The following TTC13 variants were observed in gnomAD, a reference collection of about 807,000 sequenced individuals.
TTC13 encodes the protein tetratricopeptide repeat domain 13.
A neutral mutation model predicts 120.0 loss-of-function variants in TTC13; 62 were observed. The observed-to-expected ratio is 0.52, with a 90% CI of 0.42 to 0.64. The LOEUF is 0.64. TTC13 is among the 30% of genes least tolerant of loss of function. The pLI is 0.00. For synonymous variants in TTC13, 384 were observed against 393.5 expected (o/e 0.98, Z 0.28); for missense variants, 824 against 1,050.2 (o/e 0.78, Z 2.98).
At chr1:230,966,184 C>T (rs111533889) in intron 1 of TTC13, among the ~76,000 whole-genome samples, 101 of 152,124 alleles carry the variant, frequency 6.6e-4, no homozygotes, top group African/African-American at 2.3e-3. Context: ...AATAATTGTA[C>T]ATATGGGGTA....
chr1:230,920,440 T>C (rs1672474226), intron 17 of TTC13, 70 bp downstream of exon 17: 10 of 1,111,988 alleles, frequency 9.0e-6, no homozygotes, highest in Non-Finnish European at 1.4e-5. Context: ...TTCTGAGTTC[T>C]TTTTAAAAAA....
chr1:230,962,766 A>G (rs565428147), intron 1 of TTC13, among the ~76,000 whole-genome samples: 14 of 152,352 alleles, frequency 9.2e-5, no homozygotes, highest in Admixed American at 6.5e-4. Flanking sequence ...TAAAAAAATG[A>G]ACTACTGATA....
intron 1 of TTC13, among the ~76,000 whole-genome samples, chr1:230,976,347 A>T (rs148763377): frequency 6.6e-6 from 1 of 152,286 alleles, no homozygotes; most frequent in Non-Finnish European, 1.5e-5. Context: ...TCATCCCCAC[A>T]TCCTAGGACA....
intron 16 of TTC13, among the ~76,000 whole-genome samples, chr1:230,920,802 G>A (rs1235912576): frequency 6.6e-6 from 1 of 152,204 alleles, no homozygotes. Flanking sequence ...GGAAACAGCA[G>A]CAGATGAGAA....
At chr1:230,971,649 G>GT (rs1469682282) in intron 1 of TTC13, among the ~76,000 whole-genome samples, 1 of 152,040 alleles carries the variant, frequency 6.6e-6, no homozygotes, top group Non-Finnish European at 1.5e-5. Flanking sequence ...GAAGTTTTTT[G>GT]TTTTTTAACA....
intron 17 of TTC13, among the ~76,000 whole-genome samples, chr1:230,916,635 C>CTTGAATCATGGCAGAATAG (rs1296252598): frequency 6.6e-6 from 1 of 152,194 alleles, no homozygotes; most frequent in Non-Finnish European, 1.5e-5. Context: ...AGGCAGCAAC[C>CTTGAATCATGGCAGAATAG]TTGAATCATG....
At chr1:230,943,958 T>A (rs1021443025) in intron 5 of TTC13, 60 bp from the exon 6 acceptor site, 6 of 1,243,326 alleles carry the variant, frequency 4.8e-6, no homozygotes, top group African/African-American at 3.0e-5. Context: ...GCTGAAAAAA[T>A]TTTCTGAGAA....
At chr1:230,951,629 G>C (rs1279832040) in intron 4 of TTC13, among the ~76,000 whole-genome samples, 1 of 152,132 alleles carries the variant, frequency 6.6e-6, no homozygotes, top group Non-Finnish European at 1.5e-5. Flanking sequence ...ATCTGTGTAG[G>C]CTTGAAGAAA....
chr1:230,968,442 G>A (rs573451055), intron 1 of TTC13, among the ~76,000 whole-genome samples: 5 of 151,852 alleles, frequency 3.3e-5, no homozygotes, highest in East Asian at 3.9e-4. Context: ...ACCTCTTCTC[G>A]CAGCTCAAGT....
rs551727238 is a variant in TTC13 at position 230,969,948 on chromosome 1, C to T, written c.271+8612G>A. ...TCTTGGCCTTCACAGTACTTCCCAG[C>T]TTCCAAATACCTTCATAAACCTCAT... On this transcript the variant is annotated intron_variant, in intron 1 of 22. Coordinates refer to ENST00000366661, the MANE Select transcript of TTC13 (RefSeq NM_024525.5). Among the ~76,000 whole-genome samples the T allele has an allele frequency of 8.5e-5, 13 of 152,352 alleles. No homozygotes were observed. The East Asian group carries it at 2.3e-3, about 27-fold the overall frequency.
rs1675373413 is a variant in TTC13 at position 230,949,756 on chromosome 1, C to T, written c.514-4302G>A. 3.9e-5 allele frequency among the ~76,000 whole-genome samples: 6 copies of T among 152,308 alleles called. No homozygotes were observed. The South Asian group carries it at 1.2e-3, about 32-fold the overall frequency. On this transcript the variant is annotated intron_variant, in intron 4 of 22. Coordinates refer to ENST00000366661, the MANE Select transcript of TTC13 (RefSeq NM_024525.5). ...CACCTCCAGGGTTCACGCCATTCTC[C>T]CGCCTCAGCCTCCTGAGTAGCTGGG...
chr1:230,924,994 G>C, intron 13 of TTC13, 21 bp from the exon 14 acceptor site: 1 of 1,614,056 alleles, frequency 6.2e-7, no homozygotes, highest in Non-Finnish European at 8.5e-7. Context: ...GGAATATCGA[G>C]AAGAGTTAGT....
intron 11 of TTC13, among the ~76,000 whole-genome samples, chr1:230,929,480 T>A (rs992926410): frequency 2.0e-5 from 3 of 151,962 alleles, no homozygotes; most frequent in Non-Finnish European, 4.4e-5. Flanking sequence ...ATGCCCAGCT[T>A]ATTTTTTGTA....
intron 5 of TTC13, among the ~76,000 whole-genome samples, chr1:230,945,160 T>C (rs1674869419): frequency 6.6e-6 from 1 of 152,118 alleles, no homozygotes; most frequent in Non-Finnish European, 1.5e-5. Context: ...GCAAGCAGGG[T>C]CTCATGCTTT....
At chr1:230,939,173 C>T (rs570170095) in intron 8 of TTC13, among the ~76,000 whole-genome samples, 3 of 152,296 alleles carry the variant, frequency 2.0e-5, no homozygotes, top group South Asian at 4.2e-4. Flanking sequence ...GTGGAAAAAG[C>T]TTTGCAAACT....
chr1:230,954,461 C>A, intron 3 of TTC13, 58 bp from the exon 4 acceptor site: 1 of 1,316,320 alleles, frequency 7.6e-7, no homozygotes, highest in South Asian at 1.3e-5. Flanking sequence ...TAACTAGAAT[C>A]AATAACTAAA....
chr1:230,956,474 T>A (rs573390804), intron 3 of TTC13: 1 of 310,104 alleles, frequency 3.2e-6, no homozygotes, highest in East Asian at 1.0e-4. Flanking sequence ...CTGGTCTTGC[T>A]TAATAAGCCT....
intron 18 of TTC13, among the ~76,000 whole-genome samples, chr1:230,913,728 T>C (rs1366651843): frequency 1.3e-5 from 2 of 152,094 alleles, no homozygotes; most frequent in African/African-American, 4.8e-5. Context: ...TTGGACAACA[T>C]AGAGAAAAGC....
chr1:230,918,177 T>C (rs1252991227), intron 17 of TTC13, among the ~76,000 whole-genome samples: 1 of 152,236 alleles, frequency 6.6e-6, no homozygotes, highest in African/African-American at 2.4e-5. Context: ...CTATTTATTA[T>C]ATAGTTTTCA....
Sources: gnomAD v4.1 joint callset for allele counts (sites outside exome capture counted in the v4.1 genomes callset) on GRCh38, gnomAD v4.1.1 for gene constraint, MANE v1.5 for transcripts, NCBI Gene and HGNC (gene_info 2026-07-23, HGNC 2026-07-21) for gene names.